TTLL11: variants seen among roughly 807,000 people sequenced by gnomAD.
TTLL11 encodes tubulin tyrosine ligase like 11.
TTLL11 carries 42 observed loss-of-function variants against 51.7 expected under a neutral mutation model. The ratio of observed to expected loss-of-function variants is 0.81; its 90% CI spans 0.64 to 1.05. The LOEUF (loss-of-function observed/expected upper bound fraction) is 1.05, where lower values mean the gene tolerates loss of function less well. TTLL11 is among the 50% of genes least tolerant of loss of function. The pLI, the probability that TTLL11 is intolerant of heterozygous loss-of-function variation, is 0.00. For synonymous variants in TTLL11, 381 were observed against 383.5 expected (o/e 0.99, Z 0.08); for missense variants, 799 against 940.4 (o/e 0.85, Z 1.97).
intron 8 of TTLL11, among the ~76,000 whole-genome samples, chr9:121,828,824 G>A (rs190744808): frequency 2.6e-5 from 4 of 152,188 alleles, no homozygotes; most frequent in African/African-American, 9.6e-5. Context: ...CAGAGGCTGG[G>A]TGAGATGGCT....
At chr9:122,075,172 C>T (rs1845829999) in intron 1 of TTLL11, among the ~76,000 whole-genome samples, 1 of 152,112 alleles carries the variant, frequency 6.6e-6, no homozygotes. Context: ...AACAAATTTG[C>T]TATTGATATG....
intron 3 of TTLL11, among the ~76,000 whole-genome samples, chr9:122,005,015 T>A (rs778326196): frequency 6.6e-6 from 1 of 152,222 alleles, no homozygotes; most frequent in Admixed American, 6.5e-5. Flanking sequence ...GTAACACCCA[T>A]GTCCCTGGGA....
chr9:121,854,836 G>T lies in TTLL11; in HGVS notation c.1840+5501C>A, dbSNP rs187047486. Among the ~76,000 whole-genome samples, 159 of 152,332 alleles carry T rather than the reference G, an allele frequency of 1.0e-3. 1 individual carries two copies. Among genetic ancestry groups the T allele is most frequent in the Non-Finnish European group, 1.8e-3 (121 of 68,036 alleles). ...TCTGGGCAATGAGAGGGCTACTCGA[G>T]GGCTACGACATCCCAGTTTTGCTGA... On this transcript the variant is annotated intron_variant, in intron 8 of 8. Transcript: ENST00000321582.
intron 6 of TTLL11, among the ~76,000 whole-genome samples, chr9:121,900,950 A>G (rs1839751809): frequency 6.6e-6 from 1 of 152,084 alleles, no homozygotes; most frequent in South Asian, 2.1e-4. Flanking sequence ...CTGAGACTAC[A>G]GGTGTATAGA....
At chr9:121,854,883 T>C (rs1026651454) in intron 8 of TTLL11, among the ~76,000 whole-genome samples, 29 of 152,270 alleles carry the variant, frequency 1.9e-4, no homozygotes, top group African/African-American at 7.0e-4. Flanking sequence ...TTTAGAGTTC[T>C]GTGTCCTGCT....
chr9:121,844,620 A>G lies in TTLL11; in HGVS notation c.1840+15717T>C, dbSNP rs141939991. On this transcript the variant is annotated intron_variant, in intron 8 of 8. Coordinates refer to ENST00000321582, the MANE Select transcript of TTLL11 (RefSeq NM_001139442.2). The stretch of plus-strand genomic sequence containing the variant: ...TAATATGTTAAAGTCTCTAATGGAA[A>G]AAGTAGGCAACATTCAAGAACAGAT... Among the ~76,000 whole-genome samples, 13 of 152,354 alleles carry G rather than the reference A, an allele frequency of 8.5e-5. No homozygotes were observed. In the East Asian group the frequency reaches 1.3e-3, roughly 16 times the overall value.
intron 1 of TTLL11, among the ~76,000 whole-genome samples, chr9:122,047,100 G>A (rs949525589): frequency 6.6e-6 from 1 of 152,198 alleles, no homozygotes; most frequent in African/African-American, 2.4e-5. Context: ...GGAAGACCTA[G>A]TCACATCTGG....
chr9:122,021,207 G>C (rs1844168076), intron 3 of TTLL11, among the ~76,000 whole-genome samples: 1 of 151,956 alleles, frequency 6.6e-6, no homozygotes. Flanking sequence ...GATTGCCTCA[G>C]ATTACTGCCT....
At chr9:121,925,058 G>A (rs1486507552) in intron 6 of TTLL11, among the ~76,000 whole-genome samples, 3 of 152,296 alleles carry the variant, frequency 2.0e-5, no homozygotes, top group African/African-American at 7.2e-5. Context: ...AACAGGCTCA[G>A]CTGTGGGAGA....
At chr9:122,084,513 T>A (rs1846074822) in intron 1 of TTLL11, among the ~76,000 whole-genome samples, 1 of 152,074 alleles carries the variant, frequency 6.6e-6, no homozygotes, top group Non-Finnish European at 1.5e-5. Context: ...TGTGGAGGAA[T>A]CTCAGGGACG....
chr9:121,872,146 T>C (rs916006986), intron 6 of TTLL11, among the ~76,000 whole-genome samples: 1 of 152,224 alleles, frequency 6.6e-6, no homozygotes, highest in Non-Finnish European at 1.5e-5. Flanking sequence ...AGTGCTTTCA[T>C]TTCCAAGCAA....
intron 1 of TTLL11, among the ~76,000 whole-genome samples, chr9:122,077,657 G>A (rs1302321440): frequency 6.6e-6 from 1 of 151,924 alleles, no homozygotes; most frequent in Non-Finnish European, 1.5e-5. Flanking sequence ...ACACACATAT[G>A]TAAAATATTG....
At chr9:121,990,602 C>T (rs193046889) in intron 3 of TTLL11, among the ~76,000 whole-genome samples, 4 of 152,298 alleles carry the variant, frequency 2.6e-5, no homozygotes, top group African/African-American at 9.6e-5. Flanking sequence ...GACACCTACC[C>T]TCACTGTGTC....
chr9:121,826,551 G>GTGTATATATATATATATATATATATATA (rs1564260602), intron 8 of TTLL11, among the ~76,000 whole-genome samples: 1 of 36,360 alleles, frequency 2.8e-5, no homozygotes, highest in Non-Finnish European at 4.4e-5. Flanking sequence ...ATATATATAT[G>GTGTATATATATATATATATATATATATA]TGTGTGTATA....
chr9:122,075,096 C>T (rs1049156580), intron 1 of TTLL11, among the ~76,000 whole-genome samples: 7 of 152,120 alleles, frequency 4.6e-5, no homozygotes, highest in Admixed American at 3.3e-4. Flanking sequence ...ATTTCAAGTT[C>T]AAATCAACAA....
chr9:122,052,211 C>A (rs1185882135), intron 1 of TTLL11, among the ~76,000 whole-genome samples: 1 of 152,214 alleles, frequency 6.6e-6, no homozygotes, highest in Non-Finnish European at 1.5e-5. Context: ...TGCCTTGCTG[C>A]TCACATCTCA....
At chr9:122,059,564 G>A (rs997631717) in intron 1 of TTLL11, among the ~76,000 whole-genome samples, 1 of 152,050 alleles carries the variant, frequency 6.6e-6, no homozygotes, top group Non-Finnish European at 1.5e-5. Flanking sequence ...TTTCTTGGAG[G>A]GATACACAGA....
intron 3 of TTLL11, among the ~76,000 whole-genome samples, chr9:122,008,645 A>G (rs1564355125): frequency 6.6e-6 from 1 of 152,196 alleles, no homozygotes. Flanking sequence ...TATGGAAAAC[A>G]AAAAAACTAA....
At chr9:121,936,013 G>A (rs1841199682) in intron 6 of TTLL11, among the ~76,000 whole-genome samples, 1 of 152,144 alleles carries the variant, frequency 6.6e-6, no homozygotes, top group Non-Finnish European at 1.5e-5. Context: ...CTTAGTGACT[G>A]GCTGAAACTG....
Sources: allele counts gnomAD v4.1 joint callset (sites outside exome capture counted in the v4.1 genomes callset), GRCh38; gene constraint gnomAD v4.1.1; transcripts MANE v1.5; gene names NCBI Gene and HGNC (gene_info 2026-07-23, HGNC 2026-07-21).